Variants in DAB1 observed in about 807,000 individuals in gnomAD.
The protein encoded by DAB1 is disabled homolog 1.
Under a neutral mutation model 64.6 loss-of-function variants are expected in DAB1, and 15 were observed. That is an observed-to-expected ratio of 0.23 (90% CI 0.16 to 0.36). The LOEUF (loss-of-function observed/expected upper bound fraction) is 0.36. Among genes scored for constraint, DAB1 ranks in the 10% least tolerant of loss-of-function variants. DAB1 has a pLI of 1.00. For missense variants in DAB1, 596 were observed against 706.7 expected (o/e 0.84, Z 1.78); for synonymous variants, 235 against 251.9 (o/e 0.93, Z 0.64).
chr1:57,826,801 C>T (rs1360896537), intron 1 of DAB1, among the ~76,000 whole-genome samples: 2 of 152,220 alleles, frequency 1.3e-5, no homozygotes, highest in African/African-American at 4.8e-5. Flanking sequence ...AGTGCTCTGC[C>T]ACTCTGAGGA....
At position 57,663,228 on chromosome 1, in the gene DAB1, G is replaced by A. The variant is rs78478542; in HGVS notation, n.552-13563C>T. Among the ~76,000 whole-genome samples the A allele has an allele frequency of 2.4e-4, 36 of 152,192 alleles. No homozygotes were observed. The East Asian group carries it at 6.0e-3, about 25-fold the overall frequency. ...GGTGCCACACACTTTCAAATAACCA[G>A]ATCTCAGGCAAACTCACTCACAATC... On this transcript the variant is annotated intron_variant and non_coding_transcript_variant, in intron 6 of 20. Coordinates refer to the DAB1 transcript ENST00000485760.
At chr1:57,170,000 C>CTTTT (rs57228221) in intron 2 of DAB1, among the ~76,000 whole-genome samples, 1 of 142,724 alleles carries the variant, frequency 7.0e-6, no homozygotes, top group Non-Finnish European at 1.5e-5. Context: ...TTCTTTCTTT[C>CTTTT]TTTTTTTTTT....
intron 4 of DAB1, among the ~76,000 whole-genome samples, chr1:58,246,290 C>G (rs992525340): frequency 2.6e-5 from 4 of 152,140 alleles, no homozygotes; most frequent in African/African-American, 9.7e-5. Context: ...TGGGTAAGCC[C>G]CTGCTTTCAA....
intron 1 of DAB1, among the ~76,000 whole-genome samples, chr1:57,357,333 A>G (rs1679186745): frequency 6.6e-6 from 1 of 152,004 alleles, no homozygotes; most frequent in African/African-American, 2.4e-5. Flanking sequence ...CATAACCTTT[A>G]ACTGTAGAAC....
intron 3 of DAB1, among the ~76,000 whole-genome samples, chr1:58,397,133 G>T (rs993982319): frequency 6.6e-6 from 1 of 152,050 alleles, no homozygotes; most frequent in African/African-American, 2.4e-5. Context: ...AAGGGAGAGA[G>T]GGAGGGAGAG....
intron 7 of DAB1, among the ~76,000 whole-genome samples, chr1:57,559,904 A>C (rs1645031821): frequency 6.6e-6 from 1 of 152,250 alleles, no homozygotes; most frequent in Admixed American, 6.5e-5. Context: ...TGAAAGATGC[A>C]GGGGTGGTGA....
intron 3 of DAB1, among the ~76,000 whole-genome samples, chr1:58,463,829 G>A (rs1180423021): frequency 1.3e-5 from 2 of 152,242 alleles, no homozygotes; most frequent in Non-Finnish European, 2.9e-5. Context: ...TCCTTGTCAT[G>A]TGTTTCAGTA....
At chr1:57,136,989 G>C (rs918866123) in intron 3 of DAB1, among the ~76,000 whole-genome samples, 8 of 152,050 alleles carry the variant, frequency 5.3e-5, no homozygotes, top group African/African-American at 1.9e-4. Context: ...TTTTATATTA[G>C]ATATGGTTTC....
chr1:57,084,845 C>T (rs573099855), intron 4 of DAB1, among the ~76,000 whole-genome samples: 3 of 152,200 alleles, frequency 2.0e-5, no homozygotes, highest in South Asian at 4.1e-4. Flanking sequence ...TGCTGTGCAG[C>T]AGTCCCCAAA....
intron 7 of DAB1, among the ~76,000 whole-genome samples, chr1:57,453,554 C>T (rs1225284560): frequency 6.6e-6 from 1 of 152,130 alleles, no homozygotes; most frequent in African/African-American, 2.4e-5. Context: ...GAAATAAATA[C>T]TCCTAACTAC....
intron 4 of DAB1, among the ~76,000 whole-genome samples, chr1:58,157,253 C>T (rs1427196467): frequency 6.6e-6 from 1 of 152,152 alleles, no homozygotes. Flanking sequence ...GTATTTCAGC[C>T]CCCCTCTGCT....
At chr1:58,091,604 A>G (rs76293429) in intron 5 of DAB1, among the ~76,000 whole-genome samples, 4,481 of 152,270 alleles carry the variant, frequency 0.029, 207 homozygotes, top group African/African-American at 0.1. Context: ...AGATCCATCA[A>G]TGTGATATCA....
intron 3 of DAB1, among the ~76,000 whole-genome samples, chr1:58,379,185 C>T (rs113279861): frequency 2.0e-5 from 3 of 152,092 alleles, no homozygotes; most frequent in South Asian, 2.1e-4. Context: ...TGTTCCTATT[C>T]GGCCATCTTG....
intron 5 of DAB1, among the ~76,000 whole-genome samples, chr1:58,057,491 T>C (rs1204569943): frequency 3.9e-5 from 6 of 152,124 alleles, no homozygotes; most frequent in African/African-American, 1.4e-4. Context: ...ATCCAATAAC[T>C]GTTGTCTTTA....
chr1:57,455,387 A>C (rs568938490), intron 7 of DAB1, among the ~76,000 whole-genome samples: 19 of 152,276 alleles, frequency 1.2e-4, no homozygotes, highest in Admixed American at 5.9e-4. Flanking sequence ...AATAAACAGC[A>C]TCAGAATCTA....
Position 58,160,348 on chromosome 1 carries a change from G to C in DAB1, n.310-9760C>G, listed in dbSNP as rs147021430. Reference sequence around the variant, plus strand: ...TTCCCTGTTACCGCAGGCTGCTCTGGATAAGGAAACAAACATTTTGGGGCC... The same window carrying C: ...TTCCCTGTTACCGCAGGCTGCTCTGCATAAGGAAACAAACATTTTGGGGCC... On this transcript the variant is annotated intron_variant and non_coding_transcript_variant, in intron 4 of 20. Coordinates refer to the DAB1 transcript ENST00000485760. Among the ~76,000 whole-genome samples the C allele has an allele frequency of 4.5e-4, 68 of 152,284 alleles. 1 individual carries two copies. Among genetic ancestry groups the C allele is most frequent in the Non-Finnish European group, 6.5e-4 (44 of 68,018 alleles).
chr1:58,477,047 C>T (rs1188277157), intron 3 of DAB1, among the ~76,000 whole-genome samples: 1 of 152,204 alleles, frequency 6.6e-6, no homozygotes, highest in Admixed American at 6.5e-5. Context: ...GCCAAAAGAA[C>T]ACTGGATTAC....
intron 2 of DAB1, among the ~76,000 whole-genome samples, chr1:57,204,200 T>A (rs1276553519): frequency 6.6e-6 from 1 of 152,156 alleles, no homozygotes; most frequent in Non-Finnish European, 1.5e-5. Context: ...TGGAGTAGTA[T>A]TCTTTAAAAA....
chr1:57,626,267 T>A (rs1350001629), intron 7 of DAB1, among the ~76,000 whole-genome samples: 1 of 152,152 alleles, frequency 6.6e-6, no homozygotes, highest in Non-Finnish European at 1.5e-5. Flanking sequence ...TGGTCAGTGC[T>A]CTCTGGGCTG....
Sources: gnomAD v4.1 joint callset for allele counts (sites outside exome capture counted in the v4.1 genomes callset) on GRCh38, gnomAD v4.1.1 for gene constraint, MANE v1.5 for transcripts, NCBI Gene and HGNC (gene_info 2026-07-23, HGNC 2026-07-21) for gene names.